Variants in SLC5A4 observed in about 807,000 individuals in gnomAD.
The protein encoded by SLC5A4 is solute carrier family 5 member 4, also known as probable glucose sensor protein SLC5A4.
Under a neutral mutation model 70.3 loss-of-function variants are expected in SLC5A4, and 55 were observed. The observed-to-expected ratio is 0.78, with a 90% CI of 0.63 to 0.98. The LOEUF is 0.98. Ranked by LOEUF, SLC5A4 falls within the 50% of genes least tolerant of loss-of-function variation. SLC5A4 has a pLI of 0.00. For synonymous variants in SLC5A4, 268 were observed against 305.7 expected, an observed-to-expected ratio of 0.88 and a Z score of 1.29; for missense variants, 735 against 839.2, an observed-to-expected ratio of 0.88 and a Z score of 1.53.
At chr22:32,274,041 ATTTT>A in the SLC5A4 span, among the ~76,000 whole-genome samples, 1 of 139,118 alleles carries the variant, frequency 7.2e-6, no homozygotes. Flanking sequence ...TTGATATTCT[ATTTT>A]TTTTTTTTTT....
the SLC5A4 span, among the ~76,000 whole-genome samples, chr22:32,350,521 T>C: frequency 6.6e-6 from 1 of 152,356 alleles, no homozygotes; most frequent in Middle Eastern, 3.4e-3. Context: ...GTATTAATAT[T>C]ACTCAATCTT....
intron 2 of SLC5A4, 126 bp from the exon 3 acceptor site, chr22:32,252,000 C>T (rs1477954851): frequency 1.3e-5 from 8 of 633,478 alleles, no homozygotes; most frequent in Middle Eastern, 3.9e-4. Flanking sequence ...GAGGCTGAGG[C>T]GGGTGGATCA....
At chr22:32,230,004 G>A (rs570921557) in intron 10 of SLC5A4, among the ~76,000 whole-genome samples, 1 of 152,226 alleles carries the variant, frequency 6.6e-6, no homozygotes, top group South Asian at 2.1e-4. Flanking sequence ...TCCAGTAGGC[G>A]GTTCTGCTAA....
At chr22:32,339,679 G>A in the SLC5A4 span, among the ~76,000 whole-genome samples, 1 of 152,208 alleles carries the variant, frequency 6.6e-6, no homozygotes, top group Admixed American at 6.5e-5. Context: ...GGCTGCGAAA[G>A]ACCTTCACAA....
At chr22:32,321,205 G>C in the SLC5A4 span, among the ~76,000 whole-genome samples, 4,016 of 152,296 alleles carry the variant, frequency 0.026, 52 homozygotes, top group Admixed American at 0.034. Context: ...AGAACTGCTT[G>C]AACCCAGGAG....
At chr22:32,253,854 C>T (rs1447668548) in intron 2 of SLC5A4, among the ~76,000 whole-genome samples, 1 of 151,690 alleles carries the variant, frequency 6.6e-6, no homozygotes, top group Admixed American at 6.6e-5. Flanking sequence ...GATCTAGGCT[C>T]ACTGCAACCT....
At chr22:32,258,576 GA>G (rs555190694), upstream of SLC5A4, among the ~76,000 whole-genome samples, 13 of 151,722 alleles carry the variant, frequency 8.6e-5, no homozygotes, top group East Asian at 2.3e-3. Flanking sequence ...ATAAAAAAAA[GA>G]AAAAAAAGAC....
the SLC5A4 span, among the ~76,000 whole-genome samples, chr22:32,348,136 G>A: frequency 3.3e-5 from 5 of 152,184 alleles, no homozygotes; most frequent in Admixed American, 6.5e-5. Context: ...GTGACTTAGG[G>A]TGAGCTCCTG....
the SLC5A4 span, among the ~76,000 whole-genome samples, chr22:32,316,934 C>CTCTGTGTGTGTGTGTG: frequency 3.4e-4 from 51 of 148,728 alleles, no homozygotes; most frequent in African/African-American, 1.2e-3. Flanking sequence ...ATTAACAACT[C>CTCTGTGTGTGTGTGTG]TGTGTGTGTG....
the SLC5A4 span, among the ~76,000 whole-genome samples, chr22:32,300,579 A>C: frequency 6.6e-6 from 1 of 151,038 alleles, no homozygotes; most frequent in African/African-American, 2.4e-5. Context: ...TAGTGAGATG[A>C]ACCCGGTACC....
the SLC5A4 span, among the ~76,000 whole-genome samples, chr22:32,351,558 C>T: frequency 6.6e-6 from 1 of 151,058 alleles, no homozygotes; most frequent in African/African-American, 2.4e-5. Context: ...AAAAATTAGC[C>T]GGGCACAGCA....
chr22:32,267,581 C>T, the SLC5A4 span, among the ~76,000 whole-genome samples: 3 of 152,160 alleles, frequency 2.0e-5, no homozygotes, highest in Non-Finnish European at 4.4e-5. Flanking sequence ...TGGGCTCAGG[C>T]GATCCTCCCG....
At chr22:32,303,178 C>T in the SLC5A4 span, among the ~76,000 whole-genome samples, 2 of 152,162 alleles carry the variant, frequency 1.3e-5, no homozygotes, top group African/African-American at 2.4e-5. Context: ...AAGATCCTCA[C>T]GACACGTGTC....
the SLC5A4 span, among the ~76,000 whole-genome samples, chr22:32,294,850 T>C: frequency 1.2e-5 from 1 of 85,570 alleles, no homozygotes; most frequent in Non-Finnish European, 2.4e-5. Flanking sequence ...GAGTGTGATA[T>C]TCCCCTTCCT....
At chr22:32,257,654 G>GTTTTTTTTT (rs1387025188), upstream of SLC5A4, among the ~76,000 whole-genome samples, 11 of 115,622 alleles carry the variant, frequency 9.5e-5, no homozygotes, top group African/African-American at 5.4e-4. Context: ...ACCCAGCAAG[G>GTTTTTTTTT]TTTTCTTTTT....
chr22:32,341,464 T>G, the SLC5A4 span, among the ~76,000 whole-genome samples: 4 of 152,210 alleles, frequency 2.6e-5, no homozygotes, highest in African/African-American at 9.6e-5. Flanking sequence ...TTCCCCACTT[T>G]GGTGAACTCC....
chr22:32,283,964 AT>A, the SLC5A4 span, among the ~76,000 whole-genome samples: 1 of 152,244 alleles, frequency 6.6e-6, no homozygotes. Flanking sequence ...ATTTGGAGGA[AT>A]TTTTACAAAG....
the SLC5A4 span, among the ~76,000 whole-genome samples, chr22:32,288,116 T>C: frequency 6.6e-6 from 1 of 151,892 alleles, no homozygotes; most frequent in African/African-American, 2.4e-5. Flanking sequence ...TCCCAAAGTG[T>C]TGGGATTACA....
chr22:32,324,275 AT>A, the SLC5A4 span, among the ~76,000 whole-genome samples: 7,587 of 131,908 alleles, frequency 0.058, 357 homozygotes, highest in Admixed American at 0.16. Context: ...ATGTATATAT[AT>A]ATACACACAT....
Sources: gnomAD v4.1 joint callset for allele counts (sites outside exome capture counted in the v4.1 genomes callset) on GRCh38, gnomAD v4.1.1 for gene constraint, MANE v1.5 for transcripts, NCBI Gene and HGNC (gene_info 2026-07-23, HGNC 2026-07-21) for gene names.